USP37: variants seen among roughly 807,000 people sequenced by gnomAD.
USP37 encodes ubiquitin specific peptidase 37, also known as ubiquitin carboxyl-terminal hydrolase 37.
In USP37, 27 loss-of-function variants were observed where a neutral mutation model predicts 124.0. The ratio of observed to expected loss-of-function variants is 0.22; its 90% confidence interval spans 0.16 to 0.30. USP37 has a LOEUF of 0.30. Ranked by LOEUF, USP37 falls within the 10% of genes least tolerant of loss-of-function variation. The pLI is 1.00. For synonymous variants in USP37, 365 were observed against 388.0 expected, an observed-to-expected ratio of 0.94 and a Z score of 0.70; for missense variants, 889 against 1,140.4, an observed-to-expected ratio of 0.78 and a Z score of 3.17.
At chr2:218,472,036 GAAAAAAAAAA>G (rs59108521) in intron 20 of USP37, among the ~76,000 whole-genome samples, 1 of 138,288 alleles carries the variant, frequency 7.2e-6, no homozygotes, top group Non-Finnish European at 1.6e-5. Flanking sequence ...TCCGCCCCAG[GAAAAAAAAAA>G]AAAAAAGAAA....
rs142568397 is a variant in USP37 at position 218,453,969 on chromosome 2, C to G, written c.*961G>C. On this transcript the variant is annotated 3_prime_UTR_variant, in exon 26 of 26. Transcript: ENST00000258399. ...AGAGACAGAGATGCTAGCATTCTTC[C>G]TTATCCCTAAGTATTCCTGCTGGGG... 1.1e-4 allele frequency: 16 copies of G among 152,242 alleles called. No homozygotes were observed. The East Asian group carries it at 2.9e-3, about 28-fold the overall frequency. 9.4% of individuals were successfully genotyped at this position (152,242 alleles called of 1,614,324 possible).
chr2:218,509,031 C>T (rs1032763614), intron 11 of USP37, among the ~76,000 whole-genome samples: 1 of 152,182 alleles, frequency 6.6e-6, no homozygotes, highest in African/African-American at 2.4e-5. Context: ...TTACTTCCGA[C>T]AATTTATCCT....
intron 11 of USP37, among the ~76,000 whole-genome samples, chr2:218,500,135 C>A (rs1442941178): frequency 1.3e-5 from 2 of 151,466 alleles, no homozygotes; most frequent in Non-Finnish European, 1.5e-5. Context: ...AGTGTAGTGG[C>A]GTGATCTCAG....
At chr2:218,497,263 G>C (rs1689132278) in intron 13 of USP37, among the ~76,000 whole-genome samples, 1 of 151,642 alleles carries the variant, frequency 6.6e-6, no homozygotes, top group Non-Finnish European at 1.5e-5. Context: ...AGTAGAGACA[G>C]GGTTTCACCA....
chr2:218,552,953 AT>A (rs761767168), intron 5 of USP37, among the ~76,000 whole-genome samples: 7,271 of 151,906 alleles, frequency 0.048, 491 homozygotes, highest in African/African-American at 0.16. Context: ...AAATAAATAA[AT>A]AATAAAAAAT....
intron 14 of USP37, among the ~76,000 whole-genome samples, chr2:218,491,686 C>G (rs1280933289): frequency 6.6e-6 from 1 of 152,134 alleles, no homozygotes; most frequent in Non-Finnish European, 1.5e-5. Context: ...GCAAAAATAC[C>G]TCCTCTCATG....
chr2:218,479,178 G>T (rs1163973952), intron 18 of USP37, among the ~76,000 whole-genome samples: 1 of 152,148 alleles, frequency 6.6e-6, no homozygotes, highest in African/African-American at 2.4e-5. Context: ...TAGAATGCTT[G>T]CTTGTTTTCC....
chr2:218,469,870 G>A (rs1036979595), intron 20 of USP37, among the ~76,000 whole-genome samples: 11 of 140,066 alleles, frequency 7.9e-5, no homozygotes, highest in African/African-American at 2.9e-4. Context: ...GCCCAGGCTG[G>A]AGTGCAGTGG....
At chr2:218,557,184 A>C (rs932986677) in intron 4 of USP37, among the ~76,000 whole-genome samples, 1 of 152,142 alleles carries the variant, frequency 6.6e-6, no homozygotes, top group Non-Finnish European at 1.5e-5. Context: ...TTAGCACAAT[A>C]TCCATAGCAG....
intron 8 of USP37, among the ~76,000 whole-genome samples, chr2:218,541,215 C>A (rs1691953144): frequency 6.6e-6 from 1 of 152,096 alleles, no homozygotes. Flanking sequence ...GCTTTTTAAT[C>A]AAGGAGGACA....
intron 9 of USP37, 34 bp downstream of exon 9, chr2:218,534,575 G>A (rs1045942374): frequency 1.6e-5 from 21 of 1,289,260 alleles, no homozygotes; most frequent in East Asian, 2.5e-5. Flanking sequence ...TATAATAAAT[G>A]AGCACCTTAT....
In USP37 at chr2:218,485,740, C is replaced by T. The variant is rs879069077; in HGVS notation, c.1594G>A (p.Glu532Lys). The T allele has an allele frequency of 3.1e-6, 5 of 1,608,040 alleles. No homozygotes were observed. The highest frequency in any genetic ancestry group is 4.2e-6 in the Non-Finnish European group (5 of 1,178,484). Residue 532 changes from glutamate (E) to lysine (K), a missense_variant, in exon 16 of 26, where the codon GAA (glutamate) becomes AAA (lysine). Physicochemically the swap from Glu to Lys is moderately conservative, Grantham distance 56 (BLOSUM62 1). Coordinates refer to ENST00000258399, the MANE Select transcript of USP37 (RefSeq NM_020935.3). The stretch of plus-strand genomic sequence containing the variant: ...TTCTCACAAGAATACTCCAGTTCTT[C>T]GGCCTATAAAAAGAAGGAAAAATAA... ...QDSLDLFFRAEELEYSCEKCG... is the reference protein window; with the variant it reads ...QDSLDLFFRAKELEYSCEKCG...
At chr2:218,494,151 G>A (rs948400107) in intron 14 of USP37, among the ~76,000 whole-genome samples, 3 of 152,232 alleles carry the variant, frequency 2.0e-5, no homozygotes, top group Admixed American at 2.0e-4. Flanking sequence ...AAAGCAAGCA[G>A]TGTCACAGAC....
chr2:218,528,606 T>G, intron 10 of USP37: 1 of 398,846 alleles, frequency 2.5e-6, no homozygotes, highest in East Asian at 3.6e-5. Flanking sequence ...CATGAACTCA[T>G]CCATTTTTAT....
At chr2:218,506,477 G>C (rs140488824) in intron 11 of USP37, among the ~76,000 whole-genome samples, 4,294 of 151,520 alleles carry the variant, frequency 0.028, 203 homozygotes, top group African/African-American at 0.098. Context: ...TTTTAGTAGA[G>C]ATGGGGTTTC....
Position 218,547,034 on chromosome 2 carries a change from G to T in USP37, c.487C>A (p.Leu163Ile). 5 of 1,611,494 alleles carry T rather than the reference G, an allele frequency of 3.1e-6. No individual in the cohort carries two copies. The highest frequency in any genetic ancestry group is 4.2e-6 in the Non-Finnish European group (5 of 1,179,448). The change falls in exon 7 of 26, where the codon CTT becomes ATT. Residue 163 changes from leucine to isoleucine, a missense_variant. By Grantham distance (5) the Leu-to-Ile change is conservative. This residue lies in a region of USP37 where 374 missense variants were observed against 386.0 expected (regional missense o/e 0.97). Coordinates refer to ENST00000258399, the MANE Select transcript of USP37 (RefSeq NM_020935.3). The part of the protein sequence containing the change: ...TKDDIPFRKV[L>I]GNPGRGSIKT... Reference sequence around the variant, plus strand: ...ATCGATCCTCTACCCGGATTACCAAGAACTTTTCGAAATGGAATATCATCT... The same window carrying T: ...ATCGATCCTCTACCCGGATTACCAATAACTTTTCGAAATGGAATATCATCT...
chr2:218,543,663 T>C (rs1692126179), intron 8 of USP37, among the ~76,000 whole-genome samples: 1 of 150,642 alleles, frequency 6.6e-6, no homozygotes, highest in Non-Finnish European at 1.5e-5. Context: ...ATACAAAAAA[T>C]AAATTAGCTG....
chr2:218,523,003 C>T (rs1289605168), intron 10 of USP37, among the ~76,000 whole-genome samples: 10 of 151,196 alleles, frequency 6.6e-5, no homozygotes, highest in Admixed American at 5.9e-4. Context: ...GAGCTGGGCG[C>T]GGTGGCTTAC....
At chr2:218,481,227 C>A (rs1559174345) in intron 17 of USP37, among the ~76,000 whole-genome samples, 1 of 152,128 alleles carries the variant, frequency 6.6e-6, no homozygotes. Context: ...AAGATTACTT[C>A]TTTTTTTCTT....
Sources: gnomAD v4.1 joint callset for allele counts (sites outside exome capture counted in the v4.1 genomes callset) on GRCh38, gnomAD v4.1.1 for gene constraint, gnomAD v4.1.1 regional missense constraint, MANE v1.5 for transcripts, NCBI Gene and HGNC (gene_info 2026-07-23, HGNC 2026-07-21) for gene names.